Variants in LRRTM4 observed in about 807,000 individuals in gnomAD.
LRRTM4 encodes the protein leucine-rich repeat transmembrane neuronal protein 4.
A neutral mutation model predicts 47.6 loss-of-function variants in LRRTM4; 25 were observed. The observed-to-expected ratio is 0.53, with a 90% CI of 0.38 to 0.73. The LOEUF (loss-of-function observed/expected upper bound fraction) is 0.73. Among genes scored for constraint, LRRTM4 ranks in the 30% least tolerant of loss-of-function variants. LRRTM4 has a pLI of 0.00. For missense variants in LRRTM4, 638 were observed against 713.4 expected, an observed-to-expected ratio of 0.89 and a Z score of 1.20; for synonymous variants, 311 against 269.5, an observed-to-expected ratio of 1.15 and a Z score of -1.51.
chr2:77,086,900 G>A (rs1421165473), intron 3 of LRRTM4, among the ~76,000 whole-genome samples: 2 of 135,508 alleles, frequency 1.5e-5, no homozygotes, highest in African/African-American at 6.5e-5. Context: ...GTTTCTGGCA[G>A]TAATGTTATC....
chr2:77,189,618 C>T (rs918935565), intron 3 of LRRTM4, among the ~76,000 whole-genome samples: 4 of 146,380 alleles, frequency 2.7e-5, no homozygotes, highest in Non-Finnish European at 6.1e-5. Context: ...TCATCAGAAC[C>T]CAACCATGCC....
chr2:77,267,589 G>A (rs558671230), intron 3 of LRRTM4, among the ~76,000 whole-genome samples: 1 of 152,246 alleles, frequency 6.6e-6, no homozygotes, highest in East Asian at 1.9e-4. Flanking sequence ...CTGTATTCGG[G>A]ATTAAGTTTT....
intron 3 of LRRTM4, among the ~76,000 whole-genome samples, chr2:77,354,442 T>C (rs1189664128): frequency 1.3e-5 from 2 of 150,604 alleles, no homozygotes; most frequent in African/African-American, 2.4e-5. Flanking sequence ...TGGGGGTGGG[T>C]AATGCTTCAG....
chr2:76,802,441 A>G (rs889348483), intron 3 of LRRTM4, among the ~76,000 whole-genome samples: 3 of 152,132 alleles, frequency 2.0e-5, no homozygotes, highest in African/African-American at 7.2e-5. Context: ...TACTGAAAAC[A>G]AAAATAATTG....
intron 3 of LRRTM4, among the ~76,000 whole-genome samples, chr2:76,907,343 G>A (rs1456122948): frequency 4.0e-5 from 6 of 151,428 alleles, no homozygotes; most frequent in South Asian, 2.1e-4. Flanking sequence ...ATTCAAAGTA[G>A]TGTGTAAAGG....
At chr2:77,315,288 G>A (rs1274148989) in intron 3 of LRRTM4, among the ~76,000 whole-genome samples, 1 of 152,128 alleles carries the variant, frequency 6.6e-6, no homozygotes, top group African/African-American at 2.4e-5. Context: ...CTGATAAAGT[G>A]TCAAAATGAA....
At position 77,303,282 on chromosome 2, in the gene LRRTM4, A is replaced by C. The variant is rs185335094; in HGVS notation, c.1551+215036T>G. On this transcript the variant is annotated intron_variant, in intron 3 of 3. Transcript: ENST00000409884. ...ATCTCAAAACAAACAAACAAACAAA[A>C]AAAAATGGTGTCCTTTCTTGTTTTC... 8.4e-3 allele frequency among the ~76,000 whole-genome samples: 1,278 copies of C among 151,610 alleles called. 13 individuals are homozygous for C. Among genetic ancestry groups the C allele is most frequent in the African/African-American group, 0.029 (1,199 of 41,354 alleles).
chr2:77,103,379 CTT>C (rs1671007813), intron 3 of LRRTM4, among the ~76,000 whole-genome samples: 1 of 152,152 alleles, frequency 6.6e-6, no homozygotes, highest in Admixed American at 6.5e-5. Flanking sequence ...TTTTCCATCT[CTT>C]TTGTCATAAA....
intron 3 of LRRTM4, among the ~76,000 whole-genome samples, chr2:76,789,674 AATCATGGAAAGACTCTGT>A (rs1346496812): frequency 4.6e-5 from 7 of 152,240 alleles, no homozygotes; most frequent in East Asian, 3.9e-4. Context: ...TCTGTTTCAC[AATCATGGAAAGACTCTGT>A]ATCATGAGGG....
intron 3 of LRRTM4, among the ~76,000 whole-genome samples, chr2:77,066,100 T>C (rs1019525649): frequency 1.3e-5 from 2 of 152,190 alleles, no homozygotes; most frequent in African/African-American, 4.8e-5. Flanking sequence ...GATTTTACAA[T>C]GTGAATACTA....
At chr2:77,496,131 T>G (rs953127079) in intron 3 of LRRTM4, among the ~76,000 whole-genome samples, 1 of 151,928 alleles carries the variant, frequency 6.6e-6, no homozygotes, top group Non-Finnish European at 1.5e-5. Context: ...AATGGAATGT[T>G]TTTATGTATT....
At chr2:77,471,109 G>A (rs1024908767) in intron 3 of LRRTM4, among the ~76,000 whole-genome samples, 1 of 151,982 alleles carries the variant, frequency 6.6e-6, no homozygotes, top group Non-Finnish European at 1.5e-5. Context: ...CTATAGCCTT[G>A]ACATTTCCAC....
At chr2:77,510,917 T>C (rs1678960812) in intron 3 of LRRTM4, among the ~76,000 whole-genome samples, 1 of 152,062 alleles carries the variant, frequency 6.6e-6, no homozygotes, top group South Asian at 2.1e-4. Context: ...GTCAAAATGT[T>C]TACTATACCT....
chr2:77,081,793 G>T (rs1258111491), intron 3 of LRRTM4, among the ~76,000 whole-genome samples: 1 of 152,006 alleles, frequency 6.6e-6, no homozygotes, highest in Non-Finnish European at 1.5e-5. Flanking sequence ...CTTGCCATGG[G>T]GTATTGCTGA....
intron 3 of LRRTM4, among the ~76,000 whole-genome samples, chr2:76,956,002 C>T (rs1202069992): frequency 6.7e-6 from 1 of 149,780 alleles, no homozygotes; most frequent in Non-Finnish European, 1.5e-5. Flanking sequence ...CGATAAAACT[C>T]CCACTTAAAA....
intron 3 of LRRTM4, among the ~76,000 whole-genome samples, chr2:77,277,504 T>C (rs537650327): frequency 6.6e-6 from 1 of 152,176 alleles, no homozygotes; most frequent in African/African-American, 2.4e-5. Context: ...AGGTGATATA[T>C]GTATTCTTCA....
intron 3 of LRRTM4, among the ~76,000 whole-genome samples, chr2:77,085,750 T>G (rs1028481462): frequency 6.6e-6 from 1 of 152,212 alleles, no homozygotes; most frequent in Non-Finnish European, 1.5e-5. Context: ...TTCAGTATTG[T>G]GTACATCATC....
chr2:76,873,492 GTA>G (rs1411794284), intron 3 of LRRTM4, among the ~76,000 whole-genome samples: 21 of 87,500 alleles, frequency 2.4e-4, no homozygotes, highest in African/African-American at 7.3e-4. Context: ...ATGTGTGTGT[GTA>G]TATATATGTG....
At chr2:76,899,279 A>C (rs1376405947) in intron 3 of LRRTM4, among the ~76,000 whole-genome samples, 1 of 150,822 alleles carries the variant, frequency 6.6e-6, no homozygotes, top group Admixed American at 6.7e-5. Flanking sequence ...ATGAAACTTA[A>C]ATTCTATTGG....
Sources: gnomAD v4.1 joint callset for allele counts (sites outside exome capture counted in the v4.1 genomes callset) on GRCh38, gnomAD v4.1.1 for gene constraint, MANE v1.5 for transcripts, NCBI Gene and HGNC (gene_info 2026-07-23, HGNC 2026-07-21) for gene names.